Variants in SAMD12 observed in about 807,000 individuals in gnomAD.
The protein encoded by SAMD12 is sterile alpha motif domain containing 12, also known as sterile alpha motif domain-containing protein 12.
In SAMD12, 9 loss-of-function variants were observed where a neutral mutation model predicts 15.0. The ratio of observed to expected loss-of-function variants is 0.60; its 90% confidence interval spans 0.36 to 1.05. The LOEUF is 1.05. SAMD12 is among the 50% of genes least tolerant of loss of function. The probability of loss-of-function intolerance (pLI) is 0.01; values close to 1 mark genes in which losing one functional copy is unlikely to be tolerated. For missense variants in SAMD12, 230 were observed against 234.2 expected (o/e 0.98, Z 0.12); for synonymous variants, 86 against 90.1 (o/e 0.96, Z 0.25).
At chr8:118,525,298 G>T (rs1167106620) in intron 2 of SAMD12, among the ~76,000 whole-genome samples, 3 of 152,102 alleles carry the variant, frequency 2.0e-5, no homozygotes, top group Non-Finnish European at 4.4e-5. Context: ...CTTCCCTGGG[G>T]ACTCTATATC....
chr8:118,287,002 T>C (rs1229095225), intron 4 of SAMD12, among the ~76,000 whole-genome samples: 1 of 152,190 alleles, frequency 6.6e-6, no homozygotes, highest in African/African-American at 2.4e-5. Flanking sequence ...CCTATGACCC[T>C]ACACATTTTT....
chr8:118,521,300 C>T (rs1201493638), intron 2 of SAMD12, among the ~76,000 whole-genome samples: 3 of 152,182 alleles, frequency 2.0e-5, no homozygotes, highest in Admixed American at 6.5e-5. Context: ...TTAACACTGG[C>T]TGCCATGTCT....
chr8:118,579,148 C>T (rs1377017208), intron 2 of SAMD12, among the ~76,000 whole-genome samples: 1 of 152,088 alleles, frequency 6.6e-6, no homozygotes, highest in Non-Finnish European at 1.5e-5. Flanking sequence ...AGGAGATACA[C>T]ACTAGAAATG....
chr8:118,536,342 T>G (rs567595662), intron 2 of SAMD12, among the ~76,000 whole-genome samples: 1 of 152,266 alleles, frequency 6.6e-6, no homozygotes, highest in South Asian at 2.1e-4. Flanking sequence ...TATTTACTAT[T>G]TAGTTACCTC....
At chr8:118,185,412 A>G (rs1398430003), downstream of SAMD12, among the ~76,000 whole-genome samples, 2 of 152,072 alleles carry the variant, frequency 1.3e-5, no homozygotes, top group African/African-American at 2.4e-5. Context: ...GAGAGTCCCC[A>G]AAGTCCATTA....
chr8:118,366,752 C>A (rs1354502189), intron 4 of SAMD12, among the ~76,000 whole-genome samples: 1 of 150,840 alleles, frequency 6.6e-6, no homozygotes, highest in Non-Finnish European at 1.5e-5. Context: ...GCGAAGGTTG[C>A]AGTGAACCCA....
At chr8:118,573,807 G>A (rs1336591016) in intron 2 of SAMD12, among the ~76,000 whole-genome samples, 1 of 152,130 alleles carries the variant, frequency 6.6e-6, no homozygotes, top group Non-Finnish European at 1.5e-5. Flanking sequence ...AAACCCAGAG[G>A]CAAGGGACTT....
chr8:118,508,415 G>T (rs1824984481), intron 2 of SAMD12, among the ~76,000 whole-genome samples: 1 of 151,978 alleles, frequency 6.6e-6, no homozygotes, highest in African/African-American at 2.4e-5. Flanking sequence ...TGAGTCAAAA[G>T]ACTAAAGCAG....
intron 3 of SAMD12, among the ~76,000 whole-genome samples, chr8:118,436,104 G>T (rs1457817117): frequency 6.6e-6 from 1 of 151,640 alleles, no homozygotes; most frequent in East Asian, 1.9e-4. Context: ...AAAATGTTGT[G>T]CTATAGATGA....
chr8:118,512,675 TC>T (rs1227842982), intron 2 of SAMD12, among the ~76,000 whole-genome samples: 2 of 152,188 alleles, frequency 1.3e-5, no homozygotes, highest in African/African-American at 4.8e-5. Context: ...TAAAACACTG[TC>T]CCCTTATTTC....
At chr8:118,360,963 C>T (rs1220352009) in intron 4 of SAMD12, among the ~76,000 whole-genome samples, 1 of 152,114 alleles carries the variant, frequency 6.6e-6, no homozygotes, top group Non-Finnish European at 1.5e-5. Context: ...AAAGCTCTTC[C>T]ACGAGTGTCT....
chr8:118,304,500 C>T (rs950175966), intron 4 of SAMD12, among the ~76,000 whole-genome samples: 1 of 152,136 alleles, frequency 6.6e-6, no homozygotes, highest in African/African-American at 2.4e-5. Context: ...GTGGCTCACG[C>T]CTGTAATCGC....
chr8:118,198,401 G>A (rs1016206865), intron 4 of SAMD12, among the ~76,000 whole-genome samples: 7 of 152,220 alleles, frequency 4.6e-5, no homozygotes, highest in African/African-American at 9.6e-5. Flanking sequence ...TAAAGTTCCC[G>A]TTATTTTATT....
chr8:118,157,508 C>A, the SAMD12 span, among the ~76,000 whole-genome samples: 3 of 152,098 alleles, frequency 2.0e-5, no homozygotes, highest in Non-Finnish European at 4.4e-5. Flanking sequence ...TGTCTGTACT[C>A]CATGTGAAAA....
At chr8:118,389,651 G>A (rs1227970820) in intron 3 of SAMD12, among the ~76,000 whole-genome samples, 1 of 151,814 alleles carries the variant, frequency 6.6e-6, no homozygotes, top group Non-Finnish European at 1.5e-5. Flanking sequence ...GGAGGAGGAG[G>A]TTATAGTGAG....
chr8:118,376,684 T>C (rs527713106), downstream of SAMD12, among the ~76,000 whole-genome samples: 4 of 152,288 alleles, frequency 2.6e-5, 1 homozygote, highest in East Asian at 3.9e-4. Flanking sequence ...GGAAGGATAC[T>C]CCATCTCTAT....
At chr8:118,301,957 G>A (rs995084212) in intron 4 of SAMD12, among the ~76,000 whole-genome samples, 3 of 151,680 alleles carry the variant, frequency 2.0e-5, no homozygotes, top group South Asian at 4.2e-4. Context: ...AGATGGCAGT[G>A]AAAACTGAGA....
intron 4 of SAMD12, among the ~76,000 whole-genome samples, chr8:118,255,243 G>T (rs1422497072): frequency 1.3e-5 from 2 of 151,934 alleles, no homozygotes; most frequent in African/African-American, 4.8e-5. Flanking sequence ...AAACCATAAG[G>T]TATGCTCCAT....
At chr8:118,607,699 G>A (rs74619626) in intron 1 of SAMD12, among the ~76,000 whole-genome samples, 2,931 of 152,214 alleles carry the variant, frequency 0.019, 79 homozygotes, top group African/African-American at 0.065. Context: ...GAAGATTAAC[G>A]AGTTAATATA....
Sources: gnomAD v4.1 joint callset for allele counts (sites outside exome capture counted in the v4.1 genomes callset) on GRCh38, gnomAD v4.1.1 for gene constraint, MANE v1.5 for transcripts, NCBI Gene and HGNC (gene_info 2026-07-23, HGNC 2026-07-21) for gene names.